NKAIN3: variants seen among roughly 807,000 people sequenced by gnomAD.
The protein encoded by NKAIN3 is sodium/potassium transporting ATPase interacting 3.
Under a neutral mutation model 30.2 loss-of-function variants are expected in NKAIN3, and 25 were observed. That is an observed-to-expected ratio of 0.83 (90% CI 0.60 to 1.16). The LOEUF is 1.16. NKAIN3 is among the 50% of genes most tolerant of loss of function. NKAIN3 has a pLI of 0.00. For missense variants in NKAIN3, 225 were observed against 254.1 expected, an observed-to-expected ratio of 0.89 and a Z score of 0.78; for synonymous variants, 91 against 89.6, an observed-to-expected ratio of 1.02 and a Z score of -0.09.
chr8:62,494,309 G>A (rs757659625), intron 1 of NKAIN3, among the ~76,000 whole-genome samples: 9 of 152,142 alleles, frequency 5.9e-5, no homozygotes, highest in African/African-American at 9.6e-5. Flanking sequence ...TTCTGTTTAC[G>A]TGATGAATCA....
intron 1 of NKAIN3, among the ~76,000 whole-genome samples, chr8:62,306,943 G>T (rs1393126457): frequency 2.0e-5 from 3 of 150,014 alleles, no homozygotes; most frequent in Non-Finnish European, 4.4e-5. Flanking sequence ...TACAAGTTCT[G>T]CAACAGTTTT....
intron 5 of NKAIN3, among the ~76,000 whole-genome samples, chr8:62,923,035 C>T (rs1822329169): frequency 6.6e-6 from 1 of 152,004 alleles, no homozygotes; most frequent in Non-Finnish European, 1.5e-5. Flanking sequence ...GGTGGCTCAA[C>T]CCTATAATCT....
chr8:62,953,724 A>T (rs1823346572), intron 5 of NKAIN3, among the ~76,000 whole-genome samples, 178 bp from the exon 6 acceptor site: 1 of 152,144 alleles, frequency 6.6e-6, no homozygotes, highest in African/African-American at 2.4e-5. Flanking sequence ...TGTATTTTTT[A>T]AATTTCCTCT....
rs570792712 is a variant in NKAIN3 at position 62,893,470 on chromosome 8, C to A, written c.472-24983C>A. On this transcript the variant is annotated intron_variant, in intron 4 of 6. Coordinates refer to ENST00000623646, the MANE Select transcript of NKAIN3 (RefSeq NM_001304533.3). The stretch of plus-strand genomic sequence containing the variant: ...ATTTCCCTTTTGACAACCATCATAA[C>A]ATTTTAAGGAAACAACATATGAACC... Among the ~76,000 whole-genome samples the A allele has an allele frequency of 4.6e-5, 7 of 152,264 alleles. No homozygotes were observed. The South Asian group carries it at 1.4e-3, about 32-fold the overall frequency.
At chr8:62,554,305 T>G (rs1198323098) in intron 1 of NKAIN3, among the ~76,000 whole-genome samples, 5 of 152,184 alleles carry the variant, frequency 3.3e-5, no homozygotes, top group Non-Finnish European at 7.3e-5. Context: ...AACTTGAGCT[T>G]CAGTTTCCAA....
intron 4 of NKAIN3, among the ~76,000 whole-genome samples, chr8:62,866,837 G>T (rs1335664766): frequency 6.7e-6 from 1 of 149,826 alleles, no homozygotes; most frequent in Non-Finnish European, 1.5e-5. Flanking sequence ...ACGAGGTCAG[G>T]AGATCGAGAC....
intron 1 of NKAIN3, among the ~76,000 whole-genome samples, chr8:62,539,131 C>G (rs189198309): frequency 7.2e-4 from 110 of 152,282 alleles, no homozygotes; most frequent in African/African-American, 2.6e-3. Flanking sequence ...TGTCCTGAAA[C>G]GTGTTTATCA....
intron 4 of NKAIN3, among the ~76,000 whole-genome samples, chr8:62,870,447 T>C (rs369418640): frequency 7.3e-6 from 1 of 136,392 alleles, no homozygotes; most frequent in South Asian, 2.2e-4. Flanking sequence ...ATACATATTA[T>C]ATTGTATATT....
At position 62,918,519 on chromosome 8, in the gene NKAIN3, T is replaced by C. The variant is rs1388695325; in HGVS notation, c.532+6T>C. 2 of 1,599,986 alleles carry C rather than the reference T, an allele frequency of 1.3e-6. No individual in the cohort carries two copies. Among genetic ancestry groups the C allele is most frequent in the Non-Finnish European group, 1.7e-6 (2 of 1,167,554 alleles). ...CATGGAAGAAGAAGACACATGTAAG[T>C]ACTGTTTTCTCTCTCCCTGTGGGTT... On this transcript the variant is annotated splice_donor_region_variant and intron_variant, in intron 5 of 6. Transcript: ENST00000623646.
rs1337631730 is a variant in NKAIN3 at position 62,981,366 on chromosome 8, CT to C, written c.*15963del. ...CTGTAATAAGAATATGTCTCGTTTT[CT>C]TTTAAAGACATAGATATTCCATTTT... On this transcript the variant is annotated 3_prime_UTR_variant, in exon 7 of 7. Transcript: ENST00000623646. The C allele has an allele frequency of 6.6e-6, 1 of 152,086 alleles. No homozygotes were observed. Among genetic ancestry groups the C allele is most frequent in the Non-Finnish European group, 1.5e-5 (1 of 67,996 alleles). 9.4% of individuals were successfully genotyped at this position (152,086 alleles called of 1,614,324 possible). A position where few individuals can be genotyped will look rare whatever the true frequency, so the allele number is the denominator to read the frequency against.
intron 1 of NKAIN3, among the ~76,000 whole-genome samples, chr8:62,435,261 C>G (rs1015375114): frequency 4.6e-5 from 7 of 152,072 alleles, no homozygotes; most frequent in African/African-American, 1.4e-4. Flanking sequence ...GTTCAAGGCA[C>G]TTCCTCCTGG....
chr8:62,482,113 A>G (rs1225540317), intron 1 of NKAIN3: 2 of 152,194 alleles, frequency 1.3e-5, no homozygotes, highest in African/African-American at 4.8e-5. Flanking sequence ...ATTCCTACAC[A>G]TAGTCTGCCT....
chr8:62,378,886 A>G (rs1490864428), intron 1 of NKAIN3, among the ~76,000 whole-genome samples: 1 of 152,190 alleles, frequency 6.6e-6, no homozygotes, highest in Non-Finnish European at 1.5e-5. Flanking sequence ...AACTCTGAGA[A>G]GAGGGCCATC....
intron 3 of NKAIN3, among the ~76,000 whole-genome samples, chr8:62,622,960 C>T (rs1811664980): frequency 6.6e-6 from 1 of 151,718 alleles, no homozygotes; most frequent in African/African-American, 2.4e-5. Flanking sequence ...TTTTATTTCT[C>T]ATATAAGATA....
At chr8:62,701,511 C>T (rs1283823197) in intron 3 of NKAIN3, among the ~76,000 whole-genome samples, 2 of 152,184 alleles carry the variant, frequency 1.3e-5, no homozygotes, top group African/African-American at 4.8e-5. Flanking sequence ...AGGAAGTATC[C>T]TCGCAGGCCA....
chr8:62,626,505 G>A (rs1211126299), intron 3 of NKAIN3, among the ~76,000 whole-genome samples: 2 of 152,044 alleles, frequency 1.3e-5, no homozygotes, highest in African/African-American at 4.8e-5. Context: ...GTCCTATTCA[G>A]CACTAAACTG....
At chr8:62,804,693 C>A (rs1166993984) in intron 4 of NKAIN3, among the ~76,000 whole-genome samples, 2 of 152,156 alleles carry the variant, frequency 1.3e-5, no homozygotes, top group African/African-American at 4.8e-5. Context: ...CAGCCAATAT[C>A]ATACTGAATG....
chr8:62,500,755 C>T (rs142062876), intron 1 of NKAIN3, among the ~76,000 whole-genome samples: 1 of 152,208 alleles, frequency 6.6e-6, no homozygotes, highest in East Asian at 1.9e-4. Flanking sequence ...TCATGGAGAA[C>T]CAGAGAAGGC....
At position 62,349,648 on chromosome 8, in the gene NKAIN3, C is replaced by T. The variant is rs116708884; in HGVS notation, c.54+100521C>T. On this transcript the variant is annotated intron_variant, in intron 1 of 6. Transcript: ENST00000623646. ...GTCCCAGCACACACAGAACACTAGT[C>T]GGGGTCCATCTGGAAAGAATAAGCA... Among the ~76,000 whole-genome samples, 1,218 of 152,150 alleles carry T rather than the reference C, an allele frequency of 8.0e-3. 20 individuals carry two copies. The highest frequency in any genetic ancestry group is 0.028 in the African/African-American group (1,159 of 41,506).
Sources: allele counts gnomAD v4.1 joint callset (sites outside exome capture counted in the v4.1 genomes callset), GRCh38; gene constraint gnomAD v4.1.1; transcripts MANE v1.5; gene names NCBI Gene and HGNC (gene_info 2026-07-23, HGNC 2026-07-21).